CYP17A1: variants seen among roughly 807,000 people sequenced by gnomAD.
The protein encoded by CYP17A1 is steroid 17-alpha-hydroxylase/17,20 lyase.
CYP17A1 carries 27 observed loss-of-function variants against 38.5 expected under a neutral mutation model. The ratio of observed to expected loss-of-function variants is 0.70; its 90% CI spans 0.52 to 0.97. The LOEUF (loss-of-function observed/expected upper bound fraction) is 0.97. Ranked by LOEUF, CYP17A1 falls within the 50% of genes least tolerant of loss-of-function variation. CYP17A1 has a pLI of 0.00. For synonymous variants in CYP17A1, 263 were observed against 253.3 expected, an observed-to-expected ratio of 1.04 and a Z score of -0.36; for missense variants, 549 against 645.9, an observed-to-expected ratio of 0.85 and a Z score of 1.63.
At chr10:102,836,778 C>G (rs1844167777) in intron 1 of CYP17A1, 1 of 493,524 alleles carries the variant, frequency 2.0e-6, no homozygotes, top group Non-Finnish European at 3.7e-6. Flanking sequence ...AGTCTAGGCT[C>G]AGAGAGAGGA....
intron 7 of CYP17A1, 119 bp from the exon 8 acceptor site, chr10:102,831,104 C>G (rs908055791): frequency 2.2e-6 from 1 of 445,140 alleles, no homozygotes; most frequent in Non-Finnish European, 4.4e-6. Context: ...GAGGATGTAG[C>G]CTTATTATGG....
At chr10:102,832,304 C>T (rs1159061081) in intron 6 of CYP17A1, among the ~76,000 whole-genome samples, 3 of 152,132 alleles carry the variant, frequency 2.0e-5, no homozygotes, top group East Asian at 3.9e-4. Context: ...GAACCCCTGA[C>T]CTCATGATCC....
chr10:102,831,729 A>C, intron 6 of CYP17A1, 118 bp from the exon 7 acceptor site: 1 of 1,520,576 alleles, frequency 6.6e-7, no homozygotes, highest in East Asian at 2.4e-5. Flanking sequence ...CCTCATTCCC[A>C]CTCACTCATG....
chr10:102,831,364 C>A, intron 7 of CYP17A1, 144 bp downstream of exon 7: 1 of 1,365,950 alleles, frequency 7.3e-7, no homozygotes, highest in Non-Finnish European at 1.0e-6. Context: ...AAGTCTATGG[C>A]AGGATGAGGG....
Position 102,837,341 on chromosome 10 carries a change from G to A in CYP17A1, c.21C>T (p.Leu7=), listed in dbSNP as rs545170118. MWELVA[L]LLLTLAYLFW... is the part of the protein sequence containing the mutation. Reference sequence around the variant, plus strand: ...ACAAATAAGCTAGGGTAAGCAGCAAGAGAGCCACGAGCTCCCACATGGTGG... The same window carrying A: ...ACAAATAAGCTAGGGTAAGCAGCAAAAGAGCCACGAGCTCCCACATGGTGG... The change falls in exon 1 of 8, where the codon CTC becomes CTT. Residue 7 remains leucine (L), a synonymous_variant. Coordinates refer to ENST00000369887, the MANE Select transcript of CYP17A1 (RefSeq NM_000102.4). 2 of 1,612,170 alleles carry A rather than the reference G, an allele frequency of 1.2e-6. No homozygotes were observed. Among genetic ancestry groups the A allele is most frequent in the Non-Finnish European group, 1.7e-6 (2 of 1,178,332 alleles).
At chr10:102,835,503 G>T (rs1763538074) in intron 1 of CYP17A1, 111 bp from the exon 2 acceptor site, 8 of 922,804 alleles carry the variant, frequency 8.7e-6, no homozygotes, top group Non-Finnish European at 1.3e-5. Flanking sequence ...TACCTGGCAT[G>T]CTGACTCCCA....
At chr10:102,831,451 G>T in intron 7 of CYP17A1, 57 bp downstream of exon 7, 17 of 1,605,480 alleles carry the variant, frequency 1.1e-5, no homozygotes, top group Non-Finnish European at 1.4e-5. Context: ...TACTGGGGTG[G>T]TGGAGCAGAG....
rs1844139855 is a variant in CYP17A1, at chr10:102,834,905, G to C, written c.546C>G (p.Ile182Met). The C allele has an allele frequency of 1.2e-6, 2 of 1,613,868 alleles. No homozygotes were observed. The highest frequency in any genetic ancestry group is 1.7e-6 in the Non-Finnish European group (2 of 1,179,808). ...FVAVTNVISL[I>M]CFNTSYKNGD... is the part of the protein sequence containing the mutation. The stretch of plus-strand genomic sequence containing the variant: ...CATTCTTGTAGGAGGTATTGAAGCA[G>C]ATCAAGGAGATGACATTGGTTACCG... The change falls in exon 3 of 8, where the codon ATC becomes ATG. Residue 182 changes from isoleucine to methionine, a missense_variant. By Grantham distance (10) the Ile-to-Met change is conservative. Transcript: ENST00000369887.
chr10:102,833,301 G>T (rs1398200691), intron 4 of CYP17A1, 93 bp from the exon 5 acceptor site: 4 of 1,602,418 alleles, frequency 2.5e-6, no homozygotes, highest in Admixed American at 1.7e-5. Context: ...AGATAACAAG[G>T]CTCCTTCCAC....
intron 5 of CYP17A1, 93 bp from the exon 6 acceptor site, chr10:102,832,773 G>C: frequency 8.0e-7 from 1 of 1,249,128 alleles, no homozygotes; most frequent in African/African-American, 1.5e-5. Flanking sequence ...ATCGAGAAGA[G>C]CCTGTCCAGT....
chr10:102,832,847 G>A, intron 5 of CYP17A1, 146 bp downstream of exon 5: 1 of 1,489,440 alleles, frequency 6.7e-7, no homozygotes. Flanking sequence ...GCTCTACTCT[G>A]GGGTCAAAGC....
chr10:102,836,194 T>G (rs551906739), intron 1 of CYP17A1, among the ~76,000 whole-genome samples: 1 of 151,732 alleles, frequency 6.6e-6, no homozygotes, highest in African/African-American at 2.4e-5. Flanking sequence ...CACAGTGGCT[T>G]ACGCCTATAA....
At position 102,834,087 on chromosome 10, in the gene CYP17A1, G is replaced by C. The variant is rs146311005; in HGVS notation, c.702C>G (p.Ser234Arg). Residue 234 changes from serine to arginine, a missense_variant, in exon 4 of 8, where the codon AGC (serine) becomes AGG (arginine). This residue lies in a region of CYP17A1 where 289 missense variants were observed against 320.9 expected (regional missense o/e 0.90). Transcript: ENST00000369887. ...FPNKTLEKLK[S>R]HVKIRNDLLN... The stretch of plus-strand genomic sequence containing the variant: ...GCAGATCATTTCGTATTTTAACATG[G>C]CTCTTTAATTTTTCCAGGGTTTTGT... 3.7e-6 allele frequency: 5 copies of C among 1,334,660 alleles called. No individual in the cohort carries two copies. The highest frequency in any genetic ancestry group is 1.4e-5 in the African/African-American group (1 of 69,616). 82.7% of individuals were successfully genotyped at this position (1,334,660 alleles called of 1,614,324 possible).
intron 4 of CYP17A1, 165 bp downstream of exon 4, chr10:102,833,871 C>G: frequency 1.7e-6 from 1 of 589,842 alleles, no homozygotes; most frequent in Non-Finnish European, 3.1e-6. Context: ...GGATTACAGG[C>G]GTGAGCCACC....
intron 5 of CYP17A1, 100 bp downstream of exon 5, chr10:102,832,893 G>A (rs983843252): frequency 6.5e-7 from 1 of 1,548,040 alleles, no homozygotes; most frequent in African/African-American, 1.4e-5. Flanking sequence ...GGCAGGCCTA[G>A]TCTTCCTGCA....
In CYP17A1 at chr10:102,830,671, T is replaced by C; in HGVS notation, c.*31A>G. On this transcript the variant is annotated 3_prime_UTR_variant, in exon 8 of 8. Coordinates refer to ENST00000369887, the MANE Select transcript of CYP17A1 (RefSeq NM_000102.4). This position sits in a 1 kb window ranked among gnomAD's most constrained non-coding sequence, Gnocchi z 4.1. ...TCTAAATCTGTGTTGTGGGGCCACA[T>C]AGGGTGGACAGGGGCTGTGAGTTAC... 1 of 1,358,092 alleles carries C rather than the reference T, an allele frequency of 7.4e-7. No individual in the cohort carries two copies. The allele number at this position is 1,358,092 out of a possible 1,614,324, so 84.1% of individuals were successfully genotyped here. A position where few individuals can be genotyped will look rare whatever the true frequency, so the allele number is the denominator to read the frequency against.
chr10:102,833,541 C>T (rs1844120201), intron 4 of CYP17A1: 1 of 331,060 alleles, frequency 3.0e-6, no homozygotes, highest in Non-Finnish European at 5.7e-6. Flanking sequence ...ACTGCAACCT[C>T]TGCTTCTCGG....
rs148773781 is a variant in CYP17A1, at chr10:102,836,434, C to T, written c.297+631G>A. Among the ~76,000 whole-genome samples, 991 of 122,404 alleles carry T rather than the reference C, an allele frequency of 8.1e-3. 2 individuals carry two copies. Among genetic ancestry groups the T allele is most frequent in the African/African-American group, 0.029 (906 of 31,372 alleles). The allele number at this position is 122,404 out of a possible 152,430, so 80.3% of individuals were successfully genotyped here. A position where few individuals can be genotyped will look rare whatever the true frequency, so the allele number is the denominator to read the frequency against. On this transcript the variant is annotated intron_variant, in intron 1 of 7. Coordinates refer to ENST00000369887, the MANE Select transcript of CYP17A1 (RefSeq NM_000102.4). ...ATTGGCCACTGCACTCCAGGCTGGGCGACAGAGAGAGACTCTGTCTCAAAA... is the reference window on the plus strand; with the variant it reads ...ATTGGCCACTGCACTCCAGGCTGGGTGACAGAGAGAGACTCTGTCTCAAAA...
chr10:102,835,220 C>T, intron 2 of CYP17A1, 34 bp downstream of exon 2: 1 of 1,592,754 alleles, frequency 6.3e-7, no homozygotes, highest in Non-Finnish European at 8.6e-7. Context: ...CTGTGGGATC[C>T]AGCCCCAGCC....
Sources: allele counts gnomAD v4.1 joint callset (sites outside exome capture counted in the v4.1 genomes callset), GRCh38; gene constraint gnomAD v4.1.1; regional missense constraint gnomAD v4.1.1; non-coding constraint Gnocchi (gnomAD v3.1); transcripts MANE v1.5; gene names NCBI Gene and HGNC (gene_info 2026-07-23, HGNC 2026-07-21).